The following LRRC49 variants were observed in gnomAD, a reference collection of about 807,000 sequenced individuals.
LRRC49 encodes leucine rich repeat containing 49.
A neutral mutation model predicts 83.3 loss-of-function variants in LRRC49; 50 were observed. The observed-to-expected ratio is 0.60, with a 90% CI of 0.48 to 0.76. LRRC49 has a LOEUF of 0.76. Ranked by LOEUF, LRRC49 falls within the 30% of genes least tolerant of loss-of-function variation. The pLI, the probability that LRRC49 is intolerant of heterozygous loss-of-function variation, is 0.00. For synonymous variants in LRRC49, 286 were observed against 283.3 expected, an observed-to-expected ratio of 1.01 and a Z score of -0.10; for missense variants, 704 against 809.1, an observed-to-expected ratio of 0.87 and a Z score of 1.58.
chr15:70,994,462 CTTTATTTATTTA>C (rs562148532), intron 11 of LRRC49, among the ~76,000 whole-genome samples: 1 of 151,476 alleles, frequency 6.6e-6, no homozygotes. Flanking sequence ...TCCATATGAG[CTTTATTTATTTA>C]TTTATTTATT....
rs902864129 is a variant in LRRC49 at position 70,975,383 on chromosome 15, A to C, written c.922-4718A>C. On this transcript the variant is annotated intron_variant, in intron 9 of 15. Coordinates refer to ENST00000260382, the MANE Select transcript of LRRC49 (RefSeq NM_017691.5). ...TTCTAAGGCAGCATTTTGTGAATGC[A>C]GGCAGTATTCTCACAATTCTGAAAC... is the stretch of plus-strand genomic sequence containing the variant. Among the ~76,000 whole-genome samples the C allele has an allele frequency of 3.3e-5, 5 of 152,312 alleles. No homozygotes were observed. The East Asian group carries it at 9.6e-4, about 29-fold the overall frequency.
intron 8 of LRRC49, among the ~76,000 whole-genome samples, chr15:70,962,134 A>G (rs1202340821): frequency 6.6e-6 from 1 of 152,220 alleles, no homozygotes; most frequent in Non-Finnish European, 1.5e-5. Context: ...TGATACCTCT[A>G]TACATACATA....
At chr15:70,931,799 G>A (rs2035417178) in intron 7 of LRRC49, among the ~76,000 whole-genome samples, 1 of 152,144 alleles carries the variant, frequency 6.6e-6, no homozygotes, top group African/African-American at 2.4e-5. Flanking sequence ...ATGTTGCAAA[G>A]CCTGAGTTGA....
intron 6 of LRRC49, among the ~76,000 whole-genome samples, chr15:70,912,880 TGTTAGCCAGGATG>T (rs1567048675): frequency 6.6e-6 from 1 of 152,160 alleles, no homozygotes; most frequent in East Asian, 1.9e-4. Flanking sequence ...GGTTTCACCA[TGTTAGCCAGGATG>T]GTCTCGATCT....
intron 11 of LRRC49, among the ~76,000 whole-genome samples, chr15:71,002,921 C>A (rs2038312792): frequency 7.9e-6 from 1 of 126,512 alleles, no homozygotes; most frequent in Non-Finnish European, 1.6e-5. Flanking sequence ...ATTGAAAAGG[C>A]ATAGGATATT....
At chr15:70,908,107 C>T (rs16955001) in intron 5 of LRRC49, 5,656 of 423,862 alleles carry the variant, frequency 0.013, 260 homozygotes, top group African/African-American at 0.1. Context: ...ACTGATTGAA[C>T]GACTTGGCTG....
At chr15:70,993,035 C>T (rs972922007) in intron 11 of LRRC49, among the ~76,000 whole-genome samples, 4 of 152,202 alleles carry the variant, frequency 2.6e-5, no homozygotes, top group East Asian at 1.9e-4. Context: ...CCACCCAGCT[C>T]GAGCTTGCTG....
intron 9 of LRRC49, among the ~76,000 whole-genome samples, chr15:70,977,660 T>G (rs1328098499): frequency 6.6e-6 from 1 of 152,066 alleles, no homozygotes; most frequent in Non-Finnish European, 1.5e-5. Flanking sequence ...AAAAAAATAA[T>G]AATTATTATT....
At chr15:70,972,716 C>T (rs910291876) in intron 9 of LRRC49, among the ~76,000 whole-genome samples, 5 of 151,984 alleles carry the variant, frequency 3.3e-5, no homozygotes, top group Admixed American at 6.6e-5. Context: ...CTTGTCTTCA[C>T]GCTTCATTTC....
chr15:70,907,411 C>G (rs1048976776), intron 5 of LRRC49: 1 of 152,418 alleles, frequency 6.6e-6, no homozygotes, highest in African/African-American at 2.4e-5. Context: ...TCCGTTGATA[C>G]TAAAGAACTC....
rs1226063548 is a variant in LRRC49 at position 70,965,341 on chromosome 15, G to C, written c.921+1409G>C. On this transcript the variant is annotated intron_variant, in intron 9 of 15. Transcript: ENST00000260382. ...TCTTCTTTCTTGCCTGGCACCTACA[G>C]ATTACTAGCATCTAATTCTCACACC... 2.6e-5 allele frequency among the ~76,000 whole-genome samples: 4 copies of C among 152,068 alleles called. No homozygotes were observed. In the East Asian group the frequency reaches 7.7e-4, roughly 29 times the overall value.
At chr15:70,872,912 A>T (rs1204019534) in exon 2 of LRRC49, 3 of 177,786 alleles carry the variant, frequency 1.7e-5, no homozygotes, top group African/African-American at 2.6e-5. Flanking sequence ...TTTTAGATGG[A>T]GTCTCACTCT....
chr15:71,022,663 G>T (rs2039030967), intron 14 of LRRC49, among the ~76,000 whole-genome samples: 1 of 152,138 alleles, frequency 6.6e-6, no homozygotes, highest in Admixed American at 6.5e-5. Context: ...AAATTTGTAT[G>T]CACTTATTAG....
intron 14 of LRRC49, among the ~76,000 whole-genome samples, chr15:71,035,147 T>C (rs1357428618): frequency 6.6e-6 from 1 of 152,140 alleles, no homozygotes; most frequent in East Asian, 1.9e-4. Flanking sequence ...ATTAAGTAAA[T>C]TGTGATATAT....
At chr15:70,909,428 C>T (rs1407119042) in intron 5 of LRRC49, among the ~76,000 whole-genome samples, 1 of 152,164 alleles carries the variant, frequency 6.6e-6, no homozygotes, top group Non-Finnish European at 1.5e-5. Flanking sequence ...TAAAAGGCTT[C>T]TCTAATAGCT....
intron 8 of LRRC49, among the ~76,000 whole-genome samples, chr15:70,937,688 A>G (rs1256301128): frequency 6.6e-6 from 1 of 152,220 alleles, no homozygotes; most frequent in African/African-American, 2.4e-5. Flanking sequence ...CATGTCTGCC[A>G]TCAGACTTGT....
intron 2 of LRRC49, among the ~76,000 whole-genome samples, chr15:70,879,154 G>C (rs1352994682): frequency 6.6e-6 from 1 of 152,150 alleles, no homozygotes; most frequent in Non-Finnish European, 1.5e-5. Context: ...GTTTCTCCTT[G>C]TGCCAGTTTC....
At chr15:70,968,035 A>ATGTGCAGGTTTGTTACATAGG (rs1178770956) in intron 9 of LRRC49, among the ~76,000 whole-genome samples, 1 of 152,008 alleles carries the variant, frequency 6.6e-6, no homozygotes, top group Admixed American at 6.6e-5. Flanking sequence ...CATGTGCAGA[A>ATGTGCAGGTTTGTTACATAGG]TGTGCAGGTT....
intron 2 of LRRC49, among the ~76,000 whole-genome samples, chr15:70,880,168 G>C (rs551095918): frequency 8.5e-5 from 13 of 152,164 alleles, no homozygotes; most frequent in African/African-American, 3.1e-4. Context: ...CTGATATCCA[G>C]GTCTCTGATC....
Sources: allele counts gnomAD v4.1 joint callset (sites outside exome capture counted in the v4.1 genomes callset), GRCh38; gene constraint gnomAD v4.1.1; transcripts MANE v1.5; gene names NCBI Gene and HGNC (gene_info 2026-07-23, HGNC 2026-07-21).